NALF1: variants seen among roughly 807,000 people sequenced by gnomAD.
The protein encoded by NALF1 is NALCN channel auxiliary factor 1.
Under a neutral mutation model 48.4 loss-of-function variants are expected in NALF1, and 3 were observed. The ratio of observed to expected loss-of-function variants is 0.06; its 90% CI spans 0.03 to 0.16. The LOEUF is 0.16. Ranked by LOEUF, NALF1 falls within the 10% of genes least tolerant of loss-of-function variation. The probability of loss-of-function intolerance (pLI) is 1.00; values close to 1 mark genes in which losing one functional copy is unlikely to be tolerated. For missense variants in NALF1, 526 were observed against 571.5 expected, an observed-to-expected ratio of 0.92 and a Z score of 0.81; for synonymous variants, 262 against 245.7, an observed-to-expected ratio of 1.07 and a Z score of -0.62.
chr13:107,258,658 T>C lies in NALF1; in HGVS notation c.916-47903A>G, dbSNP rs189562493. Among the ~76,000 whole-genome samples, 252 of 152,318 alleles carry C rather than the reference T, an allele frequency of 1.7e-3. 1 individual carries two copies. Among genetic ancestry groups the C allele is most frequent in the Non-Finnish European group, 2.7e-3 (181 of 68,022 alleles). The stretch of plus-strand genomic sequence containing the variant: ...AGAAGCCAATATGCTGCAGTGATCT[T>C]GGCACTAACGACATTGCACGAAGAG... On this transcript the variant is annotated intron_variant, in intron 1 of 2. Transcript: ENST00000375915.
At chr13:107,464,061 C>T (rs1168257322) in intron 1 of NALF1, among the ~76,000 whole-genome samples, 2 of 152,152 alleles carry the variant, frequency 1.3e-5, no homozygotes, top group Non-Finnish European at 2.9e-5. Context: ...AGGTTCCAAT[C>T]CACCTGCCTG....
intron 1 of NALF1, among the ~76,000 whole-genome samples, chr13:107,746,967 G>T (rs1454116198): frequency 1.3e-5 from 2 of 152,168 alleles, no homozygotes; most frequent in Non-Finnish European, 2.9e-5. Flanking sequence ...AGGAGAGAAA[G>T]CTTCCTGGCA....
At chr13:107,698,131 A>G (rs868396982) in intron 1 of NALF1, among the ~76,000 whole-genome samples, 2 of 152,188 alleles carry the variant, frequency 1.3e-5, no homozygotes, top group African/African-American at 4.8e-5. Context: ...GATAGCAATT[A>G]CTTGCTACTC....
intron 1 of NALF1, among the ~76,000 whole-genome samples, chr13:107,602,212 A>G (rs1181120774): frequency 6.6e-6 from 1 of 152,186 alleles, no homozygotes; most frequent in Non-Finnish European, 1.5e-5. Flanking sequence ...CAGATTATTC[A>G]GTTCTAACCA....
At chr13:107,708,635 A>G (rs75050419) in intron 1 of NALF1, among the ~76,000 whole-genome samples, 4,083 of 152,334 alleles carry the variant, frequency 0.027, 168 homozygotes, top group African/African-American at 0.091. Context: ...GTTTACAAAT[A>G]TGCTATTGTT....
At chr13:107,507,050 T>C (rs983259781) in intron 1 of NALF1, among the ~76,000 whole-genome samples, 1 of 152,166 alleles carries the variant, frequency 6.6e-6, no homozygotes, top group African/African-American at 2.4e-5. Context: ...GAATTTCTTG[T>C]GTATGGCCAA....
At chr13:107,252,262 CAA>C (rs1366738307) in intron 1 of NALF1, among the ~76,000 whole-genome samples, 2 of 152,126 alleles carry the variant, frequency 1.3e-5, no homozygotes, top group African/African-American at 4.8e-5. Flanking sequence ...GAGCTGTTGG[CAA>C]AGAGTCACGG....
At chr13:107,602,572 T>C (rs1594153969) in intron 1 of NALF1, among the ~76,000 whole-genome samples, 1 of 152,356 alleles carries the variant, frequency 6.6e-6, no homozygotes. Flanking sequence ...CATGGTGACA[T>C]GGCTTATTAA....
intron 1 of NALF1, among the ~76,000 whole-genome samples, chr13:107,511,619 T>C (rs1441831888): frequency 1.3e-5 from 2 of 152,142 alleles, no homozygotes; most frequent in Non-Finnish European, 2.9e-5. Context: ...CAGGTAACTA[T>C]TTCTATTCAC....
chr13:107,669,777 A>C, intron 1 of NALF1, among the ~76,000 whole-genome samples: 1 of 152,134 alleles, frequency 6.6e-6, no homozygotes, highest in East Asian at 1.9e-4. Context: ...GCTAAGTGCG[A>C]GGGCTTTGGA....
rs578254544 is a variant in NALF1 at position 107,446,678 on chromosome 13, T to C, written c.916-235923A>G. 1.4e-4 allele frequency among the ~76,000 whole-genome samples: 21 copies of C among 152,330 alleles called. No individual in the cohort carries two copies. The South Asian group carries it at 2.7e-3, about 20-fold the overall frequency. ...TAGTGGTGACTCCTAACACTTTCTG[T>C]TTCTTAATTTTTGTTCATTCACACT... On this transcript the variant is annotated intron_variant, in intron 1 of 2. Coordinates refer to ENST00000375915, the MANE Select transcript of NALF1 (RefSeq NM_001080396.3).
intron 1 of NALF1, among the ~76,000 whole-genome samples, chr13:107,412,665 T>A (rs1650407720): frequency 6.6e-6 from 1 of 152,242 alleles, no homozygotes; most frequent in Non-Finnish European, 1.5e-5. Context: ...TATTATGTTA[T>A]GGCTGTAACA....
intron 1 of NALF1, among the ~76,000 whole-genome samples, chr13:107,636,935 T>C (rs555197511): frequency 8.0e-5 from 12 of 150,692 alleles, no homozygotes; most frequent in Middle Eastern, 3.5e-3. Context: ...TGAAGACATT[T>C]TAGTCAATAA....
chr13:107,671,667 A>G (rs1343582631), intron 1 of NALF1, among the ~76,000 whole-genome samples: 2 of 152,186 alleles, frequency 1.3e-5, no homozygotes, highest in African/African-American at 2.4e-5. Context: ...ATAGGTGAAC[A>G]AAAGACTTTA....
At chr13:107,778,141 G>A (rs1366815689) in intron 1 of NALF1, among the ~76,000 whole-genome samples, 7 of 152,192 alleles carry the variant, frequency 4.6e-5, no homozygotes, top group Admixed American at 4.6e-4. Context: ...AGGACTTCTG[G>A]GGTGACTGTT....
chr13:107,499,721 C>G (rs141020089), intron 1 of NALF1, among the ~76,000 whole-genome samples: 1 of 152,148 alleles, frequency 6.6e-6, no homozygotes. Context: ...TACTTCCTTA[C>G]GGCTTGCTTT....
intron 1 of NALF1, among the ~76,000 whole-genome samples, chr13:107,277,588 A>T (rs375406938): frequency 6.6e-6 from 1 of 152,174 alleles, no homozygotes; most frequent in African/African-American, 2.4e-5. Context: ...AAAATGGCTA[A>T]GTGAAGTCAC....
At chr13:107,360,021 C>A (rs1883033853) in intron 1 of NALF1, among the ~76,000 whole-genome samples, 3 of 152,088 alleles carry the variant, frequency 2.0e-5, no homozygotes, top group Non-Finnish European at 2.9e-5. Context: ...TATGCTATTG[C>A]AAAGCCATGA....
intron 2 of NALF1, among the ~76,000 whole-genome samples, chr13:107,175,026 G>C (rs1878892392): frequency 7.7e-6 from 1 of 129,616 alleles, no homozygotes; most frequent in East Asian, 2.2e-4. Flanking sequence ...TGGGACTACA[G>C]GCGCCCGCCA....
Sources: gnomAD v4.1 joint callset for allele counts (sites outside exome capture counted in the v4.1 genomes callset) on GRCh38, gnomAD v4.1.1 for gene constraint, MANE v1.5 for transcripts, NCBI Gene and HGNC (gene_info 2026-07-23, HGNC 2026-07-21) for gene names.